EXT1: variants seen among roughly 807,000 people sequenced by gnomAD.
EXT1 encodes the protein exostosin glycosyltransferase 1.
A neutral mutation model predicts 82.5 loss-of-function variants in EXT1; 20 were observed. The observed-to-expected ratio is 0.24, with a 90% CI of 0.17 to 0.35. EXT1 has a LOEUF of 0.35. Among genes scored for constraint, EXT1 ranks in the 10% least tolerant of loss-of-function variants. The probability of loss-of-function intolerance (pLI) is 1.00; values close to 1 mark genes in which losing one functional copy is unlikely to be tolerated. For missense variants in EXT1, 757 were observed against 936.5 expected, an observed-to-expected ratio of 0.81 and a Z score of 2.50; for synonymous variants, 348 against 350.8, an observed-to-expected ratio of 0.99 and a Z score of 0.09.
chr8:117,907,076 T>A (rs1281408400), intron 1 of EXT1, among the ~76,000 whole-genome samples: 1 of 152,216 alleles, frequency 6.6e-6, no homozygotes, highest in Non-Finnish European at 1.5e-5. Context: ...GACTTCTCTA[T>A]AAAGGATGTA....
intron 1 of EXT1, among the ~76,000 whole-genome samples, chr8:117,963,107 T>C (rs1394819179): frequency 6.6e-6 from 1 of 152,224 alleles, no homozygotes; most frequent in African/African-American, 2.4e-5. Flanking sequence ...GTTCCTTCCC[T>C]TCCTGTTCCC....
rs1048719975 is a variant in EXT1, at chr8:117,794,592, T to G, written c.*5120A>C. ...TCTCTATAAAACAATCTATCTTGGATGGCGAAACCCAGACATAAAGTTACA... is the reference window on the plus strand; with the variant it reads ...TCTCTATAAAACAATCTATCTTGGAGGGCGAAACCCAGACATAAAGTTACA... On this transcript the variant is annotated 3_prime_UTR_variant, in exon 11 of 11. Transcript: ENST00000378204. 6.6e-6 allele frequency: 1 copy of G among 152,200 alleles called. No homozygotes were observed. The highest frequency in any genetic ancestry group is 2.4e-5 in the African/African-American group (1 of 41,456). 9.4% of individuals were successfully genotyped at this position (152,200 alleles called of 1,614,324 possible).
intron 1 of EXT1, among the ~76,000 whole-genome samples, chr8:118,104,240 G>A (rs1817770653): frequency 6.6e-6 from 1 of 152,228 alleles, no homozygotes; most frequent in South Asian, 2.1e-4. Context: ...TTCTAGTCTG[G>A]AGGGAATCCT....
rs1371506021 is a variant in EXT1, at chr8:117,835,509, G to T, written c.1099C>A (p.Pro367Thr). The T allele has an allele frequency of 6.2e-7, 1 of 1,613,988 alleles. No homozygotes were observed. Among genetic ancestry groups the T allele is most frequent in the Admixed American group, 1.7e-5 (1 of 59,998 alleles). The change falls in exon 3 of 11, where the codon CCA (proline) becomes ACA (threonine). Residue 367 changes from proline (P) to threonine (T), a missense_variant. Physicochemically the swap from Pro to Thr is conservative, Grantham distance 38 (BLOSUM62 -1). Coordinates refer to ENST00000378204, the MANE Select transcript of EXT1 (RefSeq NM_000127.3). ...PVMLSNGWEL[P>T]FSEVINWNQA... ...TTCCAATTAATCACTTCAGAGAATG[G>T]CAACTCCCATCCATTGCTGAGCATC...
intron 1 of EXT1, among the ~76,000 whole-genome samples, chr8:117,925,762 G>T (rs1316384653): frequency 1.3e-5 from 2 of 151,718 alleles, no homozygotes; most frequent in Non-Finnish European, 2.9e-5. Context: ...GCCATGTGTG[G>T]TGGCACACAC....
chr8:117,850,555 C>A (rs1301227886), intron 1 of EXT1, among the ~76,000 whole-genome samples: 1 of 152,180 alleles, frequency 6.6e-6, no homozygotes, highest in Non-Finnish European at 1.5e-5. Context: ...GTTTAATTAT[C>A]ATTTGCTGTG....
At chr8:118,009,853 C>T (rs746598717) in intron 1 of EXT1, among the ~76,000 whole-genome samples, 1 of 152,160 alleles carries the variant, frequency 6.6e-6, no homozygotes, top group Non-Finnish European at 1.5e-5. Context: ...TCCACGAAAC[C>T]GGTTCCTGGT....
At chr8:117,983,910 T>C (rs969089743) in intron 1 of EXT1, among the ~76,000 whole-genome samples, 2 of 152,208 alleles carry the variant, frequency 1.3e-5, no homozygotes, top group African/African-American at 4.8e-5. Flanking sequence ...CTCCCTCCTA[T>C]TGGAATCTTC....
At position 118,110,540 on chromosome 8, in the gene EXT1, C is replaced by G. The variant is rs1363032686; in HGVS notation, c.507G>C (p.Gln169His). 1 of 1,614,170 alleles carries G rather than the reference C, an allele frequency of 6.2e-7. No individual in the cohort carries two copies. Among genetic ancestry groups the G allele is most frequent in the Non-Finnish European group, 8.5e-7 (1 of 1,180,032 alleles). Residue 169 changes from glutamine (Q) to histidine (H), a missense_variant, in exon 1 of 11, where the codon CAG (glutamine) becomes CAC (histidine). By Grantham distance (24) the Gln-to-His change is conservative. This residue lies in a region of EXT1 where 247 missense variants were observed against 330.1 expected (regional missense o/e 0.75). Coordinates refer to ENST00000378204, the MANE Select transcript of EXT1 (RefSeq NM_000127.3). ...DTLDRDQLSP[Q>H]YVHNLRSKVQ... ...CTTTGGATCTCAAATTGTGCACATACTGAGGTGACAACTGGTCTCTGTCTA... is the reference window on the plus strand; with the variant it reads ...CTTTGGATCTCAAATTGTGCACATAGTGAGGTGACAACTGGTCTCTGTCTA...
chr8:117,904,183 T>C (rs375011563), intron 1 of EXT1, among the ~76,000 whole-genome samples: 1 of 152,210 alleles, frequency 6.6e-6, no homozygotes, highest in African/African-American at 2.4e-5. Flanking sequence ...TTCTCAAATA[T>C]GAAACTTTGT....
chr8:117,856,447 T>C (rs567176713), intron 1 of EXT1, among the ~76,000 whole-genome samples: 2,126 of 136,696 alleles, frequency 0.016, 52 homozygotes, highest in African/African-American at 0.05. Flanking sequence ...TTTTTTTTTT[T>C]AGTAGAGACG....
intron 1 of EXT1, among the ~76,000 whole-genome samples, chr8:117,872,503 G>A (rs1284494747): frequency 6.6e-6 from 1 of 152,098 alleles, no homozygotes; most frequent in Non-Finnish European, 1.5e-5. Flanking sequence ...AAATGTTAGG[G>A]GGATTACCTA....
chr8:117,988,678 C>T (rs1178332131), intron 1 of EXT1, among the ~76,000 whole-genome samples: 1 of 152,156 alleles, frequency 6.6e-6, no homozygotes, highest in Non-Finnish European at 1.5e-5. Flanking sequence ...CTGCAAGGTG[C>T]AGCAGGAACC....
chr8:117,904,438 G>A (rs2129974367), intron 1 of EXT1, among the ~76,000 whole-genome samples: 1 of 152,240 alleles, frequency 6.6e-6, no homozygotes, highest in African/African-American at 2.4e-5. Flanking sequence ...TATTACTTTA[G>A]GTAAGTCACT....
intron 1 of EXT1, among the ~76,000 whole-genome samples, chr8:118,023,245 T>A (rs976952169): frequency 3.3e-5 from 5 of 152,204 alleles, no homozygotes; most frequent in Admixed American, 6.5e-5. Context: ...TAAGACAGAT[T>A]AAGCTATTTT....
chr8:117,845,368 C>A (rs990298898), intron 1 of EXT1, among the ~76,000 whole-genome samples: 1 of 152,126 alleles, frequency 6.6e-6, no homozygotes, highest in Admixed American at 6.5e-5. Context: ...CTCCACCCCC[C>A]ATCCTTAGGT....
At chr8:117,975,748 G>A (rs1486461944) in intron 1 of EXT1, among the ~76,000 whole-genome samples, 1 of 152,124 alleles carries the variant, frequency 6.6e-6, no homozygotes, top group Non-Finnish European at 1.5e-5. Context: ...ACAGAGCAAT[G>A]GCTTCATACA....
At chr8:117,909,577 T>G (rs1032466420) in intron 1 of EXT1, among the ~76,000 whole-genome samples, 1 of 152,200 alleles carries the variant, frequency 6.6e-6, no homozygotes, top group African/African-American at 2.4e-5. Flanking sequence ...AGATTTAAGC[T>G]GAGCAAGGGT....
chr8:118,091,597 T>C (rs1348401731), intron 1 of EXT1, among the ~76,000 whole-genome samples: 2 of 151,890 alleles, frequency 1.3e-5, no homozygotes, highest in Non-Finnish European at 2.9e-5. Context: ...AAAAAAAAAT[T>C]AGCCGGGCAT....
Sources: gnomAD v4.1 joint callset for allele counts (sites outside exome capture counted in the v4.1 genomes callset) on GRCh38, gnomAD v4.1.1 for gene constraint, gnomAD v4.1.1 regional missense constraint, MANE v1.5 for transcripts, NCBI Gene and HGNC (gene_info 2026-07-23, HGNC 2026-07-21) for gene names.